FAM184A: variants seen among roughly 807,000 people sequenced by gnomAD.
The protein encoded by FAM184A is family with sequence similarity 184 member A.
In FAM184A, 99 loss-of-function variants were observed where a neutral mutation model predicts 143.8. That is an observed-to-expected ratio of 0.69 (90% CI 0.58 to 0.81). The LOEUF is 0.81. Among genes scored for constraint, FAM184A ranks in the 40% least tolerant of loss-of-function variants. The pLI, the probability that FAM184A is intolerant of heterozygous loss-of-function variation, is 0.00. For synonymous variants in FAM184A, 427 were observed against 446.4 expected, an observed-to-expected ratio of 0.96 and a Z score of 0.55; for missense variants, 1,217 against 1,310.5, an observed-to-expected ratio of 0.93 and a Z score of 1.10.
rs1783462127 is a variant in FAM184A, at chr6:118,965,199, TTG to T, written c.3034-430_3034-429del. 4.0e-4 allele frequency among the ~76,000 whole-genome samples: 21 copies of T among 51,906 alleles called. No individual in the cohort carries two copies. In the South Asian group the frequency reaches 0.018, roughly 43 times the overall value. The allele number at this position is 51,906 out of a possible 152,430, so 34.1% of individuals were successfully genotyped here. On this transcript the variant is annotated intron_variant, in intron 15 of 17. Coordinates refer to ENST00000338891, the MANE Select transcript of FAM184A (RefSeq NM_024581.6). ...GCCACCATACCCAGCTAAGTTTTTT[TTG>T]TTTGTTTTTTTTTTTTTTTTGGTGT... is the stretch of plus-strand genomic sequence containing the variant.
chr6:118,967,660 A>C (rs1783543424), intron 14 of FAM184A, among the ~76,000 whole-genome samples: 1 of 152,184 alleles, frequency 6.6e-6, no homozygotes. Flanking sequence ...GCTGAGTCTA[A>C]GAATATAGGA....
At chr6:119,120,212 A>G (rs981461618) in intron 1 of FAM184A, among the ~76,000 whole-genome samples, 2 of 152,138 alleles carry the variant, frequency 1.3e-5, no homozygotes, top group African/African-American at 4.8e-5. Flanking sequence ...CCACTAATCT[A>G]CTTTCTCTAC....
chr6:119,060,383 G>A (rs146012819), intron 1 of FAM184A, among the ~76,000 whole-genome samples: 25 of 152,324 alleles, frequency 1.6e-4, no homozygotes, highest in Non-Finnish European at 3.1e-4. Context: ...GGGCAAGGCA[G>A]CTAATGGTAC....
chr6:119,011,715 T>A (rs1300462619), intron 5 of FAM184A, among the ~76,000 whole-genome samples: 2 of 152,194 alleles, frequency 1.3e-5, no homozygotes, highest in Non-Finnish European at 2.9e-5. Context: ...GATAAAAAAT[T>A]CTAATTACCT....
intron 1 of FAM184A, among the ~76,000 whole-genome samples, chr6:119,132,229 C>T (rs552975156): frequency 7.3e-4 from 111 of 152,314 alleles, no homozygotes; most frequent in South Asian, 2.1e-3. Context: ...TCATAATAAT[C>T]AATTTACACT....
At chr6:119,129,367 C>CCTTACA (rs1789465071) in intron 1 of FAM184A, among the ~76,000 whole-genome samples, 3 of 152,174 alleles carry the variant, frequency 2.0e-5, no homozygotes, top group Non-Finnish European at 4.4e-5. Flanking sequence ...CTAACCTGGG[C>CCTTACA]GCCTTACAGC....
At chr6:119,133,669 C>T (rs1023013621) in intron 1 of FAM184A, among the ~76,000 whole-genome samples, 14 of 152,094 alleles carry the variant, frequency 9.2e-5, no homozygotes, top group East Asian at 5.9e-4. Context: ...GAAGGCTGAC[C>T]GTTGAGGGCT....
intron 14 of FAM184A, among the ~76,000 whole-genome samples, chr6:118,970,280 C>T (rs1254419258): frequency 6.6e-6 from 1 of 151,648 alleles, no homozygotes; most frequent in Non-Finnish European, 1.5e-5. Flanking sequence ...GCTGGGATTA[C>T]AGGCATGAGC....
intron 9 of FAM184A, 48 bp downstream of exon 9, chr6:119,002,851 A>G: frequency 6.8e-7 from 1 of 1,464,228 alleles, no homozygotes; most frequent in Non-Finnish European, 9.1e-7. Context: ...GCCTAGCCAG[A>G]GAATGTCAAG....
intron 1 of FAM184A, among the ~76,000 whole-genome samples, chr6:119,089,386 C>T (rs1013998704): frequency 1.9e-4 from 29 of 151,366 alleles, no homozygotes; most frequent in Admixed American, 4.0e-4. Context: ...TTTGTATTTT[C>T]GTAGAGACGG....
intron 1 of FAM184A, among the ~76,000 whole-genome samples, chr6:119,087,634 G>A (rs142634168): frequency 1.3e-5 from 2 of 152,292 alleles, no homozygotes; most frequent in Non-Finnish European, 2.9e-5. Context: ...GGATCCCTGT[G>A]GTTGAAATTG....
chr6:119,096,577 A>G lies in FAM184A; in HGVS notation c.-202+52501T>C, dbSNP rs1333576625. On this transcript the variant is annotated intron_variant, in intron 1 of 16. Coordinates refer to the FAM184A transcript ENST00000352896. ...CGTGAACCCGGGAGGCGGAGCTTGC[A>G]GTGAGCCGAGATTGCGCCACTGCAG... Among the ~76,000 whole-genome samples, 7 of 32,096 alleles carry G rather than the reference A, an allele frequency of 2.2e-4. 2 individuals carry two copies. The highest frequency in any genetic ancestry group is 9.5e-4 in the Admixed American group (2 of 2,098). The allele number at this position is 32,096 out of a possible 152,430, so 21.1% of individuals were successfully genotyped here.
chr6:119,118,122 C>A (rs184185946), intron 1 of FAM184A, among the ~76,000 whole-genome samples: 3 of 152,288 alleles, frequency 2.0e-5, no homozygotes, highest in African/African-American at 4.8e-5. Context: ...AAGCCAGGAC[C>A]TTTCCATAGA....
At chr6:119,044,118 A>T (rs1786439974) in intron 1 of FAM184A, among the ~76,000 whole-genome samples, 1 of 152,202 alleles carries the variant, frequency 6.6e-6, no homozygotes, top group Non-Finnish European at 1.5e-5. Context: ...TGATTAAGAC[A>T]AAGGAGAATC....
intron 1 of FAM184A, among the ~76,000 whole-genome samples, chr6:119,054,095 AAT>A (rs990797495): frequency 1.3e-5 from 2 of 152,100 alleles, no homozygotes; most frequent in Admixed American, 6.6e-5. Context: ...GAAAAAAAAA[AAT>A]CATATATAAT....
intron 1 of FAM184A, among the ~76,000 whole-genome samples, chr6:119,115,808 CA>C (rs66619118): frequency 0.11 from 15,465 of 142,230 alleles, 1,342 homozygotes; most frequent in Admixed American, 0.23. Context: ...ACTAAAAATA[CA>C]AAAAAAAAAA....
intron 1 of FAM184A, among the ~76,000 whole-genome samples, chr6:119,136,231 T>C (rs1207547739): frequency 6.9e-6 from 1 of 144,558 alleles, no homozygotes; most frequent in African/African-American, 2.6e-5. Context: ...TGAGCCGAGA[T>C]TGCGCCACTG....
In FAM184A at chr6:119,024,775, T is replaced by C; in HGVS notation, c.198A>G (p.Glu66=). 6.2e-7 allele frequency: 1 copy of C among 1,611,338 alleles called. No homozygotes were observed. The highest frequency in any genetic ancestry group is 8.5e-7 in the Non-Finnish European group (1 of 1,179,420). The change falls in exon 2 of 18, where the codon GAA becomes GAG. Residue 66 remains glutamate (E), a synonymous_variant. Transcript: ENST00000338891. ...CATCTTTGAGGGCTTGAATTGCAGA[T>C]TCATGCTCATCATTTTTAGTGTTTA... is the stretch of plus-strand genomic sequence containing the variant. ...YALNTKNDEH[E]SAIQALKDAH...
intron 13 of FAM184A, 52 bp from the exon 14 acceptor site, chr6:118,974,626 A>G (rs961978380): frequency 3.5e-6 from 5 of 1,448,408 alleles, no homozygotes; most frequent in Non-Finnish European, 4.7e-6. Context: ...TCAAGCTTTC[A>G]AAACTTTCTA....
Sources: gnomAD v4.1 joint callset for allele counts (sites outside exome capture counted in the v4.1 genomes callset) on GRCh38, gnomAD v4.1.1 for gene constraint, MANE v1.5 for transcripts, NCBI Gene and HGNC (gene_info 2026-07-23, HGNC 2026-07-21) for gene names.